TTN: variants seen among roughly 807,000 people sequenced by gnomAD.
The protein encoded by TTN is titin, also known as connectin.
A neutral mutation model predicts 3,223.0 loss-of-function variants in TTN; 1,525 were observed. The ratio of observed to expected loss-of-function variants is 0.47; its 90% CI spans 0.45 to 0.49. The LOEUF is 0.49. Ranked by LOEUF, TTN falls within the 20% of genes least tolerant of loss-of-function variation. The pLI, the probability that TTN is intolerant of heterozygous loss-of-function variation, is 0.00. For synonymous variants in TTN, 14,094 were observed against 15,161.0 expected (o/e 0.93, Z 5.17); for missense variants, 40,786 against 43,424.0 (o/e 0.94, Z 5.40).
At position 178,590,241 on chromosome 2, in the gene TTN, C is replaced by A. The variant is rs775137607; in HGVS notation, c.61484G>T (p.Arg20495Leu). ...VITVRVGQTI[R>L]ILARVKGRPE... ...TCTGCCTTTGACTCGAGCTAGAATG[C>A]GGATAGTTTGGCCTACTCTCACGGT... The change falls in exon 304 of 363, where the codon CGC becomes CTC. Residue 20495 changes from arginine to leucine, a missense_variant. Physicochemically the swap from Arg to Leu is moderately radical, Grantham distance 102 (BLOSUM62 -2). Transcript: ENST00000589042. 2.5e-6 allele frequency: 4 copies of A among 1,589,088 alleles called. No individual in the cohort carries two copies. Among genetic ancestry groups the A allele is most frequent in the Non-Finnish European group, 3.4e-6 (4 of 1,167,642 alleles).
chr2:178,740,640 G>A lies in TTN; in HGVS notation c.12593C>T (p.Thr4198Ile). ...TAATAAAGTTTTCAGAGGCTCAACTGTTAATGAATTAATTTGTTCTATGGA... is the reference window on the plus strand; with the variant it reads ...TAATAAAGTTTTCAGAGGCTCAACTATTAATGAATTAATTTGTTCTATGGA... ...AMSIEQINSLTVEPLKTLLAE... is the reference protein window; with the variant it reads ...AMSIEQINSLIVEPLKTLLAE... The change falls in exon 48 of 363, where the codon ACA (threonine) becomes ATA (isoleucine). Residue 4198 changes from threonine (T) to isoleucine (I), a missense_variant. Transcript: ENST00000589042. 1 of 1,613,792 alleles carries A rather than the reference G, an allele frequency of 6.2e-7. No individual in the cohort carries two copies. The highest frequency in any genetic ancestry group is 1.7e-5 in the Admixed American group (1 of 60,012).
At chr2:178,666,470 A>C (rs1290699348) in intron 163 of TTN, among the ~76,000 whole-genome samples, 1 of 152,150 alleles carries the variant, frequency 6.6e-6, no homozygotes, top group African/African-American at 2.4e-5. Context: ...GGAGGGTCTC[A>C]GGTGCTCTAA....
chr2:178,553,816 G>A lies in TTN; in HGVS notation c.89198-9C>T. 3.8e-6 allele frequency: 6 copies of A among 1,574,506 alleles called. No individual in the cohort carries two copies. Among genetic ancestry groups the A allele is most frequent in the Non-Finnish European group, 5.2e-6 (6 of 1,161,018 alleles). On this transcript the variant is annotated splice_polypyrimidine_tract_variant and intron_variant, in intron 333 of 362. Transcript: ENST00000589042. The stretch of plus-strand genomic sequence containing the variant: ...AGGTGGACCTGGAGGATCTGGAATG[G>A]CCATTCACAATAAAATAATTACACA...
intron 152 of TTN, 78 bp downstream of exon 152, chr2:178,673,555 G>T: frequency 8.7e-7 from 1 of 1,145,362 alleles, no homozygotes; most frequent in Non-Finnish European, 1.2e-6. Context: ...TAAGAAGGCA[G>T]TCAAAAAAGA....
At chr2:178,750,483 G>T (rs760732590) in intron 47 of TTN, 5 of 1,612,876 alleles carry the variant, frequency 3.1e-6, no homozygotes, top group Admixed American at 1.7e-5. Context: ...GTCACTATAG[G>T]TTGAGGATAT....
intron 47 of TTN, chr2:178,748,799 A>T (rs770831013): frequency 5.0e-6 from 8 of 1,611,896 alleles, no homozygotes; most frequent in Non-Finnish European, 6.8e-6. Context: ...AGAGGAAAGC[A>T]GCTTTAAATT....
At position 178,782,955 on chromosome 2, in the gene TTN, T is replaced by C. The variant is rs768091037; in HGVS notation, c.2951A>G (p.Glu984Gly). The change falls in exon 18 of 363, where the codon GAA (glutamate) becomes GGA (glycine). Residue 984 changes from glutamate (E) to glycine (G), a missense_variant. Coordinates refer to ENST00000589042, the MANE Select transcript of TTN (RefSeq NM_001267550.2). ...VTWYREDYQI[E>G]SSIDFQITFQ... is the part of the protein sequence containing the mutation. ...GGTTATCTGGAAGTCAATGGAACTTTCGATTTGGTAGTCTTCCCTGTACCA... is the reference window on the plus strand; with the variant it reads ...GGTTATCTGGAAGTCAATGGAACTTCCGATTTGGTAGTCTTCCCTGTACCA... 38 of 1,614,038 alleles carry C rather than the reference T, an allele frequency of 2.4e-5. No homozygotes were observed. The highest frequency in any genetic ancestry group is 1.7e-6 in the Non-Finnish European group (2 of 1,180,014).
chr2:178,758,023 CA>C (rs1438629705), intron 44 of TTN, 107 bp from the exon 45 acceptor site: 4 of 1,186,652 alleles, frequency 3.4e-6, no homozygotes, highest in African/African-American at 3.1e-5. Flanking sequence ...GACTAGAATT[CA>C]GTCCACTCCT....
chr2:178,582,386 G>A lies in TTN; in HGVS notation c.66070C>T (p.His22024Tyr), dbSNP rs2047978270. Residue 22024 changes from histidine (H) to tyrosine (Y), a missense_variant, in exon 314 of 363, where the codon CAT (histidine) becomes TAT (tyrosine). Physicochemically the swap from His to Tyr is moderately conservative, Grantham distance 83. Coordinates refer to ENST00000589042, the MANE Select transcript of TTN (RefSeq NM_001267550.2). The part of the protein sequence containing the change: ...SCSVEKLIEG[H>Y]EYQFRICAEN... The stretch of plus-strand genomic sequence containing the variant: ...GCACAAATACGGAACTGATACTCAT[G>A]GCCCTCTATAAGTTTCTCCACGCTG... 1 of 1,612,758 alleles carries A rather than the reference G, an allele frequency of 6.2e-7. No individual in the cohort carries two copies.
At chr2:178,615,200 G>T in intron 259 of TTN, 107 bp downstream of exon 259, 1 of 1,342,104 alleles carries the variant, frequency 7.5e-7, no homozygotes, top group Non-Finnish European at 1.0e-6. Context: ...TACACCGGCA[G>T]CATAGGATTC....
In TTN at chr2:178,799,611, T is replaced by C. The variant is rs1641923214; in HGVS notation, c.790A>G (p.Arg264Gly). ...GCAATAGACGGTGGTGTTGGGGATC[T>C]TGACTTTGGCTTCGGAGGAATCCTG... ...PPRIPPKPKS[R>G]SPTPPSIAAK... Residue 264 changes from arginine to glycine, a missense_variant, in exon 6 of 363, where the codon AGA (arginine) becomes GGA (glycine). Arg to Gly is a moderately radical substitution (Grantham distance 125). Coordinates refer to ENST00000589042, the MANE Select transcript of TTN (RefSeq NM_001267550.2). The C allele has an allele frequency of 6.2e-7, 1 of 1,614,140 alleles. No individual in the cohort carries two copies. Among genetic ancestry groups the C allele is most frequent in the African/African-American group, 1.3e-5 (1 of 75,032 alleles).
rs929740197 is a variant in TTN, at chr2:178,665,416, C to T, written c.36004G>A (p.Glu12002Lys). The T allele has an allele frequency of 3.7e-6, 6 of 1,612,338 alleles. No homozygotes were observed. Among genetic ancestry groups the T allele is most frequent in the Non-Finnish European group, 4.2e-6 (5 of 1,179,630 alleles). ...GTTTCTGGCTCTTCAGGTACATCCT[C>T]AAATATTTTCATTTCAGGGACAACT... The part of the protein sequence containing the change: ...KEVVPEMKIF[E>K]DVPEEPETPR... The change falls in exon 165 of 363, where the codon GAG becomes AAG. Residue 12002 changes from glutamate to lysine, a missense_variant. Glu to Lys is a moderately conservative substitution (Grantham distance 56). Transcript: ENST00000589042.
chr2:178,751,149 T>C, intron 47 of TTN: 1 of 1,612,704 alleles, frequency 6.2e-7, no homozygotes, highest in Non-Finnish European at 8.5e-7. Flanking sequence ...GACATAGATC[T>C]GATTTTCATG....
Position 178,575,780 on chromosome 2 carries a change from C to G in TTN, c.70352G>C (p.Ser23451Thr), listed in dbSNP as rs1339742394. 2 of 1,613,326 alleles carry G rather than the reference C, an allele frequency of 1.2e-6. No homozygotes were observed. The highest frequency in any genetic ancestry group is 2.2e-5 in the South Asian group (2 of 91,066). The change falls in exon 326 of 363, where the codon AGT becomes ACT. Residue 23451 changes from serine to threonine, a missense_variant. Coordinates refer to ENST00000589042, the MANE Select transcript of TTN (RefSeq NM_001267550.2). The surrounding 1 kb of genome is among the most constrained non-coding windows in gnomAD (Gnocchi z 4.0). ...NLRPTDITKD[S>T]VTLHWDLPLI... ...AGGGAGGTCCCAGTGCAGGGTGACA[C>G]TGTCCTTTGTGATGTCTGTAGGCCG...
chr2:178,529,819 G>C, intron 359 of TTN, 141 bp downstream of exon 359: 1 of 925,972 alleles, frequency 1.1e-6, no homozygotes, highest in East Asian at 2.9e-5. Flanking sequence ...TTCTGCTTTG[G>C]TGTACAAATT....
In TTN at chr2:178,588,659, A is replaced by G; in HGVS notation, c.63066T>C (p.Arg21022=). The change falls in exon 304 of 363, where the codon CGT becomes CGC. Residue 21022 remains arginine, a synonymous_variant. Transcript: ENST00000589042. ...CTGGGAGGAGATTCTGTACTTTCAT[A>G]CGTCTCTCAGGGATTGCACTCTTGT... is the stretch of plus-strand genomic sequence containing the variant. ...PVNKSAIPER[R]MKVQNLLPDH... 3 of 1,611,510 alleles carry G rather than the reference A, an allele frequency of 1.9e-6. No individual in the cohort carries two copies. Among genetic ancestry groups the G allele is most frequent in the African/African-American group, 1.3e-5 (1 of 74,854 alleles).
At position 178,532,406 on chromosome 2, in the gene TTN, C is replaced by T. The variant is rs767920614; in HGVS notation, c.104209G>A (p.Ala34737Thr). Residue 34737 changes from alanine to threonine, a missense_variant, in exon 358 of 363, where the codon GCT becomes ACT. By Grantham distance (58) the Ala-to-Thr change is moderately conservative (BLOSUM62 0). Coordinates refer to ENST00000589042, the MANE Select transcript of TTN (RefSeq NM_001267550.2). Reference protein sequence around the residue: ...RYSTYHIPTKAEASTSYAELR... With the variant: ...RYSTYHIPTKTEASTSYAELR... ...TCTGCATAACTTGTACTAGCTTCAG[C>T]CTTCGTTGGGATGTGATAGGTTGAA... 1.2e-6 allele frequency: 2 copies of T among 1,613,952 alleles called. No individual in the cohort carries two copies. The highest frequency in any genetic ancestry group is 2.2e-5 in the South Asian group (2 of 91,086).
rs1381333879 is a variant in TTN, at chr2:178,544,265, C to T, written c.95964G>A (p.Val31988=). The T allele has an allele frequency of 1.9e-6, 3 of 1,613,806 alleles. No homozygotes were observed. In the Admixed American group the frequency reaches 5.0e-5, roughly 27 times the overall value. ...TGTATTCGCTCATACCCTTCACGTT[C>T]ACGGCAGCAACTCTGAAGGAATATT... ...GQKYSFRVAA[V]NVKGMSEYSE... The change falls in exon 345 of 363, where the codon GTG becomes GTA. Residue 31988 remains valine (V), a synonymous_variant. Transcript: ENST00000589042.
chr2:178,754,065 A>G (rs2086300852), intron 46 of TTN: 1 of 152,114 alleles, frequency 6.6e-6, no homozygotes, highest in Non-Finnish European at 1.5e-5. Context: ...GTAAGAATGA[A>G]AAACATGCTG....
Sources: gnomAD v4.1 joint callset for allele counts (sites outside exome capture counted in the v4.1 genomes callset) on GRCh38, gnomAD v4.1.1 for gene constraint, Gnocchi (gnomAD v3.1) non-coding constraint, MANE v1.5 for transcripts, NCBI Gene and HGNC (gene_info 2026-07-23, HGNC 2026-07-21) for gene names.